SH3KBP1: variants seen among roughly 807,000 people sequenced by gnomAD.
SH3KBP1 encodes SH3 domain containing kinase binding protein 1.
In SH3KBP1, 8 loss-of-function variants were observed where a neutral mutation model predicts 50.1. That is an observed-to-expected ratio of 0.16 (90% CI 0.09 to 0.29). SH3KBP1 has a LOEUF of 0.29. SH3KBP1 is among the 10% of genes least tolerant of loss of function. The pLI, the probability that SH3KBP1 is intolerant of heterozygous loss-of-function variation, is 1.00. For missense variants in SH3KBP1, 377 were observed against 535.2 expected, an observed-to-expected ratio of 0.70 and a Z score of 2.92; for synonymous variants, 227 against 218.6, an observed-to-expected ratio of 1.04 and a Z score of -0.34.
intron 9 of SH3KBP1, among the ~76,000 whole-genome samples, chrX:19,602,442 T>C (rs2067118199): frequency 8.9e-6 from 1 of 111,945 alleles, no homozygotes; most frequent in Admixed American, 9.4e-5. Flanking sequence ...TCTGGGTGGC[T>C]TTGAGAAAGT....
chrX:19,883,799 T>C (rs2069510485), intron 1 of SH3KBP1, among the ~76,000 whole-genome samples: 1 of 111,720 alleles, frequency 9.0e-6, no homozygotes, highest in Non-Finnish European at 1.9e-5. Context: ...ATAATGCAAA[T>C]GACTGCTGCT....
chrX:19,746,708 G>A (rs1434934118), intron 2 of SH3KBP1, among the ~76,000 whole-genome samples: 2 of 111,882 alleles, frequency 1.8e-5, no homozygotes, highest in African/African-American at 6.5e-5. Flanking sequence ...TAAAGAGAAT[G>A]AGTGAAACAT....
At chrX:19,666,530 T>C (rs1384082096) in intron 6 of SH3KBP1, among the ~76,000 whole-genome samples, 1 of 111,313 alleles carries the variant, frequency 9.0e-6, no homozygotes, top group African/African-American at 3.3e-5. Flanking sequence ...AGCTAGTTAA[T>C]GGTGATTCTA....
intron 9 of SH3KBP1, among the ~76,000 whole-genome samples, chrX:19,596,314 A>G (rs1296599242): frequency 1.8e-5 from 2 of 112,140 alleles, no homozygotes; most frequent in African/African-American, 6.5e-5. Flanking sequence ...TAGCTTATTC[A>G]GTGTGTGATA....
intron 9 of SH3KBP1, among the ~76,000 whole-genome samples, chrX:19,601,154 C>T (rs1023924053): frequency 1.8e-5 from 2 of 111,742 alleles, no homozygotes; most frequent in South Asian, 3.7e-4. Flanking sequence ...TGCTTGTGTG[C>T]GGGGTTGTTG....
At chrX:19,586,870 A>G (rs1173354949) in intron 12 of SH3KBP1, among the ~76,000 whole-genome samples, 2 of 112,189 alleles carry the variant, frequency 1.8e-5, no homozygotes, top group African/African-American at 6.5e-5. Context: ...CAAATGAGCC[A>G]TACTACAATA....
At chrX:19,788,714 G>C (rs777495511) in intron 2 of SH3KBP1, among the ~76,000 whole-genome samples, 2 of 112,161 alleles carry the variant, frequency 1.8e-5, no homozygotes, top group Non-Finnish European at 3.8e-5. Flanking sequence ...TGAAAAGGAT[G>C]AAAAGGGTTA....
intron 13 of SH3KBP1, among the ~76,000 whole-genome samples, chrX:19,561,972 T>TTCGCTTG (rs1271327992): frequency 2.7e-5 from 3 of 110,042 alleles, no homozygotes; most frequent in Non-Finnish European, 5.7e-5. Context: ...GACCTCCAAC[T>TTCGCTTG]CCAACCTTCG....
chrX:19,651,101 A>T (rs1367960785), intron 6 of SH3KBP1, among the ~76,000 whole-genome samples: 1 of 111,071 alleles, frequency 9.0e-6, no homozygotes, highest in Non-Finnish European at 1.9e-5. Context: ...TGGCATTATG[A>T]AAAGTCTTCT....
chrX:19,815,738 T>C (rs1369938204), intron 2 of SH3KBP1, among the ~76,000 whole-genome samples: 1 of 111,976 alleles, frequency 8.9e-6, no homozygotes, highest in Admixed American at 9.5e-5. Flanking sequence ...GAATGTAATA[T>C]AAATGAAATC....
At chrX:19,875,494 G>A (rs898794377) in intron 1 of SH3KBP1, among the ~76,000 whole-genome samples, 3 of 112,270 alleles carry the variant, frequency 2.7e-5, no homozygotes, top group Non-Finnish European at 5.6e-5. Flanking sequence ...ACTGGCAGGC[G>A]GTCTAGCATC....
intron 2 of SH3KBP1, chrX:19,799,676 A>G (rs2066838033): frequency 1.7e-6 from 2 of 1,210,649 alleles, no homozygotes; most frequent in East Asian, 5.9e-5. Context: ...TGGCTGCTGA[A>G]ACCTCCATTC....
chrX:19,780,536 G>A (rs2066144402), intron 2 of SH3KBP1, among the ~76,000 whole-genome samples: 1 of 107,096 alleles, frequency 9.3e-6, no homozygotes, highest in Non-Finnish European at 1.9e-5. Context: ...GTCCTGAATG[G>A]TATTGCCTAG....
chrX:19,802,217 AC>A (rs936951203), intron 2 of SH3KBP1, among the ~76,000 whole-genome samples: 2 of 110,614 alleles, frequency 1.8e-5, no homozygotes, highest in African/African-American at 6.6e-5. Context: ...ACACAAGGAA[AC>A]CCGGTCTCTA....
intron 2 of SH3KBP1, among the ~76,000 whole-genome samples, chrX:19,811,348 T>C (rs2067202017): frequency 1.8e-5 from 2 of 112,008 alleles, no homozygotes; most frequent in Non-Finnish European, 3.8e-5. Context: ...TAGAACTTGA[T>C]AGCGTTTATG....
intron 2 of SH3KBP1, among the ~76,000 whole-genome samples, chrX:19,766,483 C>CTCTTTTTTTT (rs2065613195): frequency 4.4e-5 from 1 of 22,590 alleles, no homozygotes; most frequent in Admixed American, 6.4e-4. Flanking sequence ...TTGATTGCAT[C>CTCTTTTTTTT]TTTTTTTTTT....
At chrX:19,832,371 C>T (rs767990663) in intron 2 of SH3KBP1, among the ~76,000 whole-genome samples, 2 of 111,804 alleles carry the variant, frequency 1.8e-5, no homozygotes, top group Non-Finnish European at 3.8e-5. Context: ...CTGAACAGGC[C>T]GATGAGGTAG....
intron 3 of SH3KBP1, among the ~76,000 whole-genome samples, chrX:19,744,066 C>T (rs1273088864): frequency 8.9e-6 from 1 of 112,020 alleles, no homozygotes; most frequent in Non-Finnish European, 1.9e-5. Flanking sequence ...ACTTCCTTCC[C>T]TAATAGCCAC....
chrX:19,633,141 G>A (rs2061617451), intron 7 of SH3KBP1, among the ~76,000 whole-genome samples: 1 of 112,113 alleles, frequency 8.9e-6, no homozygotes, highest in Admixed American at 9.5e-5. Flanking sequence ...GATACACTAT[G>A]GTCTAGGGTT....
Sources: gnomAD v4.1 joint callset for allele counts (sites outside exome capture counted in the v4.1 genomes callset) on GRCh38, gnomAD v4.1.1 for gene constraint, MANE v1.5 for transcripts, NCBI Gene and HGNC (gene_info 2026-07-23, HGNC 2026-07-21) for gene names.